The following SH3GLB1 variants were observed in gnomAD, a reference collection of about 807,000 sequenced individuals.
SH3GLB1 encodes the protein endophilin-B1.
Under a neutral mutation model 42.0 loss-of-function variants are expected in SH3GLB1, and 17 were observed. The observed-to-expected ratio is 0.40, with a 90% CI of 0.28 to 0.61. The LOEUF is 0.61. Among genes scored for constraint, SH3GLB1 ranks in the 20% least tolerant of loss-of-function variants. The pLI is 0.36. For synonymous variants in SH3GLB1, 132 were observed against 146.6 expected, an observed-to-expected ratio of 0.90 and a Z score of 0.72; for missense variants, 355 against 426.3, an observed-to-expected ratio of 0.83 and a Z score of 1.47.
At chr1:86,720,905 C>G (rs555858343) in intron 3 of SH3GLB1, among the ~76,000 whole-genome samples, 35 of 152,182 alleles carry the variant, frequency 2.3e-4, no homozygotes, top group African/African-American at 7.0e-4. Flanking sequence ...ATGCTTAGAA[C>G]TTCAAAATAA....
chr1:86,731,658 C>T (rs1041431078), intron 5 of SH3GLB1, among the ~76,000 whole-genome samples: 2 of 151,976 alleles, frequency 1.3e-5, no homozygotes, highest in East Asian at 3.8e-4. Context: ...ATAATTGATA[C>T]AATACATGGG....
intron 2 of SH3GLB1, among the ~76,000 whole-genome samples, chr1:86,719,290 A>G (rs1654724507): frequency 6.6e-6 from 1 of 152,148 alleles, no homozygotes; most frequent in South Asian, 2.1e-4. Context: ...TTATTTTAAA[A>G]TGCTTTTGTG....
intron 1 of SH3GLB1, among the ~76,000 whole-genome samples, chr1:86,706,600 G>A (rs765634437): frequency 5.3e-5 from 8 of 152,178 alleles, no homozygotes; most frequent in Non-Finnish European, 1.0e-4. Context: ...GAATTTTGAT[G>A]TGTGAGACAC....
rs1656381910 is a variant in SH3GLB1, at chr1:86,747,983, G to A, written c.*4748G>A. ...TTCCAGACTTTTCTGTGCATTTATA[G>A]ATATTTTTAATGGGATCAAAGTGTA... On this transcript the variant is annotated 3_prime_UTR_variant, in exon 9 of 9. Transcript: ENST00000370558. The A allele has an allele frequency of 1.3e-5, 2 of 152,094 alleles. No homozygotes were observed. Among genetic ancestry groups the A allele is most frequent in the Admixed American group, 1.3e-4 (2 of 15,268 alleles). The allele number at this position is 152,094 out of a possible 1,614,324, so 9.4% of individuals were successfully genotyped here.
chr1:86,712,088 A>C (rs1219471149), intron 1 of SH3GLB1, among the ~76,000 whole-genome samples: 1 of 152,132 alleles, frequency 6.6e-6, no homozygotes, highest in Admixed American at 6.5e-5. Context: ...GGGAAATATT[A>C]TGTCTTTTAC....
intron 2 of SH3GLB1, among the ~76,000 whole-genome samples, chr1:86,717,085 C>A (rs1279633569): frequency 3.3e-5 from 5 of 152,016 alleles, no homozygotes; most frequent in Non-Finnish European, 7.4e-5. Context: ...TTCAGTATAC[C>A]CAGGTAGCAA....
chr1:86,722,432 C>G, intron 3 of SH3GLB1, 108 bp from the exon 4 acceptor site: 1 of 937,846 alleles, frequency 1.1e-6, no homozygotes, highest in Non-Finnish European at 1.6e-6. Flanking sequence ...CTTTAGCAAG[C>G]AAGTTACAGC....
intron 5 of SH3GLB1, chr1:86,730,196 G>A: frequency 5.2e-6 from 8 of 1,525,642 alleles, no homozygotes; most frequent in Non-Finnish European, 7.1e-6. Flanking sequence ...AACAACCCAT[G>A]GGTCCAGTCA....
intron 1 of SH3GLB1, among the ~76,000 whole-genome samples, chr1:86,710,337 T>G (rs1386285055): frequency 1.3e-5 from 2 of 151,942 alleles, no homozygotes; most frequent in East Asian, 3.9e-4. Flanking sequence ...CGATCTTGGC[T>G]CACCGCAATC....
At chr1:86,719,435 T>TG in intron 2 of SH3GLB1, 72 bp from the exon 3 acceptor site, 1 of 1,385,458 alleles carries the variant, frequency 7.2e-7, no homozygotes, top group Non-Finnish European at 9.8e-7. Flanking sequence ...TGGCTGCTGA[T>TG]GGGGGAAAAA....
chr1:86,707,226 G>A (rs1174153563), intron 1 of SH3GLB1, among the ~76,000 whole-genome samples: 3 of 152,126 alleles, frequency 2.0e-5, no homozygotes. Flanking sequence ...GGATGGTCAG[G>A]GCAAGTCTTT....
rs563416879 is a variant in SH3GLB1 at position 86,735,308 on chromosome 1, A to G, written c.761+129A>G. The G allele has an allele frequency of 2.9e-4, 164 of 571,914 alleles. No individual in the cohort carries two copies. The South Asian group carries it at 3.5e-3, about 12-fold the overall frequency. 35.4% of individuals were successfully genotyped at this position (571,914 alleles called of 1,614,324 possible). A position where few individuals can be genotyped will look rare whatever the true frequency, so the allele number is the denominator to read the frequency against. On this transcript the variant is annotated intron_variant, in intron 7 of 8. Transcript: ENST00000370558. ...TCTTAGAAATAGTTTCTTTTTTTTA[A>G]GGAAAGTAATTATCAGTTTTCTGAG...
chr1:86,727,049 T>A (rs994101136), intron 5 of SH3GLB1, among the ~76,000 whole-genome samples: 1 of 151,986 alleles, frequency 6.6e-6, no homozygotes, highest in African/African-American at 2.4e-5. Flanking sequence ...TACTTACTAG[T>A]TTCTTGTGAC....
At chr1:86,709,696 T>C (rs1654087671) in intron 1 of SH3GLB1, among the ~76,000 whole-genome samples, 1 of 152,198 alleles carries the variant, frequency 6.6e-6, no homozygotes, top group South Asian at 2.1e-4. Flanking sequence ...CAAATCAAAT[T>C]ACTTAGGGAG....
At chr1:86,719,657 C>T in intron 3 of SH3GLB1, 22 bp downstream of exon 3, 1 of 1,599,312 alleles carries the variant, frequency 6.3e-7, no homozygotes. Context: ...GCAAAAAGTT[C>T]TAATAAGGGA....
intron 2 of SH3GLB1, among the ~76,000 whole-genome samples, chr1:86,717,745 T>G (rs1039120393): frequency 6.6e-6 from 1 of 152,176 alleles, no homozygotes; most frequent in African/African-American, 2.4e-5. Flanking sequence ...TTAAGTTACA[T>G]AGGTTTTGAG....
rs745725105 is a variant in SH3GLB1 at position 86,728,375 on chromosome 1, G to A, written c.570+3970G>A. The A allele has an allele frequency of 3.1e-6, 4 of 1,298,872 alleles. No homozygotes were observed. The South Asian group carries it at 5.3e-5, about 17-fold the overall frequency. The allele number at this position is 1,298,872 out of a possible 1,614,324, so 80.5% of individuals were successfully genotyped here. ...TTCACTGTGTTCATTGGTATAATGT[G>A]TTCTTTGTCTCTTACTATGCACTTA... On this transcript the variant is annotated intron_variant, in intron 5 of 8. Transcript: ENST00000370558.
rs571298601 is a variant in SH3GLB1 at position 86,744,721 on chromosome 1, G to A, written c.*1486G>A. The A allele has an allele frequency of 2.1e-4, 32 of 152,228 alleles. 1 individual carries two copies. Among genetic ancestry groups the A allele is most frequent in the African/African-American group, 5.1e-4 (21 of 41,540 alleles). The allele number at this position is 152,228 out of a possible 1,614,324, so 9.4% of individuals were successfully genotyped here. ...TTAAAAAAATGAATACTTAAACACC[G>A]TTTTAAAATTTTGTGTTAAGAGCTC... On this transcript the variant is annotated 3_prime_UTR_variant, in exon 9 of 9. Transcript: ENST00000370558.
chr1:86,735,120 G>A lies in SH3GLB1; in HGVS notation c.702G>A (p.Gln234=). 6.2e-7 allele frequency: 1 copy of A among 1,613,040 alleles called. No homozygotes were observed. Among genetic ancestry groups the A allele is most frequent in the Non-Finnish European group, 8.5e-7 (1 of 1,179,176 alleles). ...GTCTGAATGACTTTGTAGAAGCCCA[G>A]ATGACTTACTATGCACAGTGTTACC... ...LRCLNDFVEA[Q]MTYYAQCYQY... The change falls in exon 7 of 9, where the codon CAG becomes CAA. Residue 234 remains glutamine (Q), a synonymous_variant. Transcript: ENST00000370558.
Sources: allele counts gnomAD v4.1 joint callset (sites outside exome capture counted in the v4.1 genomes callset), GRCh38; gene constraint gnomAD v4.1.1; transcripts MANE v1.5; gene names NCBI Gene and HGNC (gene_info 2026-07-23, HGNC 2026-07-21).